Variants in CPEB1 observed in about 807,000 individuals in gnomAD.
CPEB1 encodes cytoplasmic polyadenylation element-binding protein 1.
A neutral mutation model predicts 65.8 loss-of-function variants in CPEB1; 7 were observed. The observed-to-expected ratio is 0.11, with a 90% CI of 0.06 to 0.20. The LOEUF is 0.20. CPEB1 is among the 10% of genes least tolerant of loss of function. The pLI is 1.00. For missense variants in CPEB1, 551 were observed against 712.2 expected (o/e 0.77, Z 2.58); for synonymous variants, 262 against 260.0 (o/e 1.01, Z -0.08).
At chr15:82,566,020 A>T (rs189687446) in intron 4 of CPEB1, among the ~76,000 whole-genome samples, 4 of 152,300 alleles carry the variant, frequency 2.6e-5, no homozygotes, top group Admixed American at 2.6e-4. Context: ...ATCAGCAGTG[A>T]TATTTTTAGA....
intron 1 of CPEB1, chr15:82,629,583 C>T: frequency 1.0e-6 from 1 of 985,294 alleles, no homozygotes; most frequent in Non-Finnish European, 1.2e-6. Context: ...CTCCGGTCTC[C>T]CTCACTCTCC....
intron 3 of CPEB1, among the ~76,000 whole-genome samples, chr15:82,617,059 CCTACCTA>C (rs1343283410): frequency 6.6e-6 from 1 of 152,190 alleles, no homozygotes; most frequent in African/African-American, 2.4e-5. Flanking sequence ...GAAATCCTTT[CCTACCTA>C]CCTCTGAGTC....
chr15:82,580,880 C>G (rs2041221152), intron 3 of CPEB1, among the ~76,000 whole-genome samples: 1 of 149,616 alleles, frequency 6.7e-6, no homozygotes, highest in Non-Finnish European at 1.5e-5. Context: ...GAGACAGGGT[C>G]TCCTTCTGTC....
chr15:82,588,117 TA>T (rs1169375702), intron 3 of CPEB1, among the ~76,000 whole-genome samples: 1 of 114,702 alleles, frequency 8.7e-6, no homozygotes, highest in Non-Finnish European at 1.8e-5. Context: ...TTTGTTTTTG[TA>T]TTTTTTTTTT....
At chr15:82,597,789 C>T (rs2042775271) in intron 3 of CPEB1, among the ~76,000 whole-genome samples, 1 of 152,150 alleles carries the variant, frequency 6.6e-6, no homozygotes, top group Admixed American at 6.5e-5. Flanking sequence ...CACTCGACTC[C>T]AGCCTGCATG....
chr15:82,548,825 G>A (rs1355242030), intron 10 of CPEB1: 1 of 377,458 alleles, frequency 2.6e-6, no homozygotes, highest in Non-Finnish European at 5.5e-6. Flanking sequence ...TGAAGACTAA[G>A]CATTTGGGGA....
chr15:82,618,699 A>AC (rs1223699371), intron 3 of CPEB1, among the ~76,000 whole-genome samples: 9 of 152,246 alleles, frequency 5.9e-5, no homozygotes, highest in Non-Finnish European at 8.8e-5. Context: ...ATGGCACTAA[A>AC]AAACAAACAA....
chr15:82,576,574 A>G (rs2040673350), intron 3 of CPEB1, among the ~76,000 whole-genome samples: 2 of 152,222 alleles, frequency 1.3e-5, no homozygotes, highest in Non-Finnish European at 2.9e-5. Context: ...CAAGATGTTC[A>G]CTGTTCAATC....
chr15:82,603,262 A>G lies in CPEB1; in HGVS notation c.271+23931T>C, dbSNP rs575683503. Among the ~76,000 whole-genome samples, 137 of 152,186 alleles carry G rather than the reference A, an allele frequency of 9.0e-4. 6 individuals carry two copies. In the South Asian group the frequency reaches 0.027, roughly 30 times the overall value. On this transcript the variant is annotated intron_variant, in intron 3 of 12. Transcript: ENST00000684509. Reference sequence around the variant, plus strand: ...GAATTGTCATTACTTGACCTTTTACATGGTTACACACAAGGTCCCACTTAT... The same window carrying G: ...GAATTGTCATTACTTGACCTTTTACGTGGTTACACACAAGGTCCCACTTAT...
intron 4 of CPEB1, among the ~76,000 whole-genome samples, chr15:82,563,666 C>T (rs1311852644): frequency 3.3e-5 from 5 of 151,834 alleles, no homozygotes; most frequent in African/African-American, 1.2e-4. Flanking sequence ...CTTAATGATT[C>T]AGAAAACAAT....
At chr15:82,647,782 C>A (rs1455188277), upstream of CPEB1, 2 of 1,224,490 alleles carry the variant, frequency 1.6e-6, no homozygotes, top group Non-Finnish European at 2.1e-6. Context: ...GGCGCCGGAC[C>A]CGGCTGCGCG....
chr15:82,570,807 C>A (rs1047230941), intron 4 of CPEB1, among the ~76,000 whole-genome samples: 5 of 152,120 alleles, frequency 3.3e-5, no homozygotes, highest in African/African-American at 1.2e-4. Context: ...ATGCTCTGAA[C>A]CCTATGTTAA....
At chr15:82,603,323 T>C (rs908635019) in intron 3 of CPEB1, among the ~76,000 whole-genome samples, 4 of 151,486 alleles carry the variant, frequency 2.6e-5, no homozygotes, top group Admixed American at 1.3e-4. Flanking sequence ...GCTCACCAAG[T>C]ACAGCCAGCC....
At chr15:82,570,617 G>A (rs978898964) in intron 4 of CPEB1, among the ~76,000 whole-genome samples, 4 of 151,998 alleles carry the variant, frequency 2.6e-5, no homozygotes, top group Admixed American at 6.6e-5. Flanking sequence ...AGGGGGGGCT[G>A]CCAAGAAGTC....
chr15:82,559,945 G>A (rs746901732), intron 4 of CPEB1, among the ~76,000 whole-genome samples: 3 of 152,144 alleles, frequency 2.0e-5, no homozygotes, highest in Non-Finnish European at 4.4e-5. Context: ...TTAGCCAGGC[G>A]TGAAAGTGCA....
chr15:82,585,830 C>T (rs2151121085), intron 3 of CPEB1, among the ~76,000 whole-genome samples: 1 of 152,278 alleles, frequency 6.6e-6, no homozygotes, highest in African/African-American at 2.4e-5. Flanking sequence ...ATTTCCTATG[C>T]ATTTGTGAAC....
chr15:82,609,369 T>C (rs749939487), intron 3 of CPEB1, among the ~76,000 whole-genome samples: 18 of 151,830 alleles, frequency 1.2e-4, no homozygotes, highest in Non-Finnish European at 1.8e-4. Context: ...GGCATGGTGG[T>C]GCACAACTGT....
chr15:82,574,228 T>C (rs2040395267), intron 3 of CPEB1, among the ~76,000 whole-genome samples: 1 of 152,170 alleles, frequency 6.6e-6, no homozygotes. Flanking sequence ...CATTGTAGGA[T>C]TTCTTCACTA....
chr15:82,606,182 T>C (rs2043568512), intron 3 of CPEB1, among the ~76,000 whole-genome samples: 1 of 152,138 alleles, frequency 6.6e-6, no homozygotes, highest in East Asian at 1.9e-4. Flanking sequence ...AAGATGCTAG[T>C]TCCAGCTGGG....
Sources: allele counts gnomAD v4.1 joint callset (sites outside exome capture counted in the v4.1 genomes callset), GRCh38; gene constraint gnomAD v4.1.1; transcripts MANE v1.5; gene names NCBI Gene and HGNC (gene_info 2026-07-23, HGNC 2026-07-21).